Variants in AAR2 observed in about 807,000 individuals in gnomAD.
AAR2 encodes the protein protein AAR2 homolog.
In AAR2, 31 loss-of-function variants were observed where a neutral mutation model predicts 26.9. That is an observed-to-expected ratio of 1.15 (90% CI 0.86 to 1.55). AAR2 has a LOEUF of 1.55. AAR2 is among the 40% of genes most tolerant of loss of function. AAR2 has a pLI of 0.00. For synonymous variants in AAR2, 188 were observed against 196.1 expected, an observed-to-expected ratio of 0.96 and a Z score of 0.34; for missense variants, 430 against 491.3, an observed-to-expected ratio of 0.88 and a Z score of 1.18.
intron 2 of AAR2, among the ~76,000 whole-genome samples, chr20:36,242,614 C>T (rs905096671): frequency 1.3e-5 from 2 of 151,668 alleles, no homozygotes; most frequent in Non-Finnish European, 2.9e-5. Context: ...AGGATGGTCT[C>T]GATCTCCTGA....
intron 3 of AAR2, among the ~76,000 whole-genome samples, chr20:36,248,834 G>C (rs2064759279): frequency 1.3e-5 from 2 of 151,990 alleles, no homozygotes; most frequent in African/African-American, 4.8e-5. Context: ...GCACTTGAGG[G>C]ATGACTGAGA....
chr20:36,250,985 C>T (rs1450514604), intron 3 of AAR2, among the ~76,000 whole-genome samples: 1 of 151,910 alleles, frequency 6.6e-6, no homozygotes, highest in African/African-American at 2.4e-5. Context: ...TCACTTGAGC[C>T]CAGGTGTTCC....
chr20:36,255,486 A>G (rs1255374722), intron 3 of AAR2, 92 bp from the exon 4 acceptor site: 5 of 1,456,838 alleles, frequency 3.4e-6, no homozygotes, highest in Non-Finnish European at 4.7e-6. Context: ...TACCCGCCCC[A>G]GAAGAGCCGA....
In AAR2 at chr20:36,248,269, C is replaced by T. The variant is rs78226083; in HGVS notation, c.987+3343C>T. Among the ~76,000 whole-genome samples the T allele has an allele frequency of 3.2e-3, 492 of 152,170 alleles. 3 individuals are homozygous for T. The highest frequency in any genetic ancestry group is 0.011 in the African/African-American group (474 of 41,508). On this transcript the variant is annotated intron_variant, in intron 3 of 3. Coordinates refer to ENST00000320849, the MANE Select transcript of AAR2 (RefSeq NM_001271874.2). ...ACTAATATATTGTCTGCCTGACTCC[C>T]GCACTGAGTCATGGGCTCCTTTTAC...
chr20:36,248,049 T>TTGCCGGAACCTGATTTTCC (rs1226792492), intron 3 of AAR2, among the ~76,000 whole-genome samples: 2 of 152,226 alleles, frequency 1.3e-5, no homozygotes, highest in Admixed American at 1.3e-4. Flanking sequence ...TCATACCTTC[T>TTGCCGGAACCTGATTTTCC]TGCCGGAACC....
chr20:36,254,411 A>G (rs1235695522), intron 3 of AAR2, among the ~76,000 whole-genome samples: 3 of 152,144 alleles, frequency 2.0e-5, no homozygotes, highest in African/African-American at 7.2e-5. Flanking sequence ...TAGAGACAGA[A>G]AGTAGAATGT....
At chr20:36,244,648 G>A in intron 2 of AAR2, 49 bp from the exon 3 acceptor site, 2 of 1,552,912 alleles carry the variant, frequency 1.3e-6, no homozygotes, top group Non-Finnish European at 8.9e-7. Context: ...GAGAGTGTCA[G>A]CTGGTCCTCC....
intron 2 of AAR2, among the ~76,000 whole-genome samples, chr20:36,243,337 A>G (rs990442059): frequency 6.6e-6 from 1 of 152,258 alleles, no homozygotes; most frequent in Non-Finnish European, 1.5e-5. Context: ...AAATTTGACT[A>G]TATTTGAAAA....
intron 2 of AAR2, among the ~76,000 whole-genome samples, chr20:36,240,923 C>T (rs188092798): frequency 1.4e-3 from 220 of 152,260 alleles, no homozygotes; most frequent in African/African-American, 5.1e-3. Context: ...AAGATTTGGC[C>T]CACTGAGTGG....
chr20:36,255,441 C>A, intron 3 of AAR2, 137 bp from the exon 4 acceptor site: 1 of 946,502 alleles, frequency 1.1e-6, no homozygotes, highest in Non-Finnish European at 1.6e-6. Context: ...GGGAGCATAG[C>A]AGGTGTCCTG....
In AAR2 at chr20:36,255,958, C is replaced by A; in HGVS notation, c.*213C>A. ...CCTGAAGGCACATTTGTGGGTTCCC[C>A]ATCAGCCAGGCCTTGGTGCTAACCT... is the stretch of plus-strand genomic sequence containing the variant. On this transcript the variant is annotated 3_prime_UTR_variant, in exon 4 of 4. Coordinates refer to ENST00000320849, the MANE Select transcript of AAR2 (RefSeq NM_001271874.2). 1.6e-6 allele frequency: 1 copy of A among 642,018 alleles called. No individual in the cohort carries two copies. The highest frequency in any genetic ancestry group is 2.6e-6 in the Non-Finnish European group (1 of 390,656). 39.8% of individuals were successfully genotyped at this position (642,018 alleles called of 1,614,324 possible).
Position 36,240,246 on chromosome 20 carries a change from A to G in AAR2, c.378A>G (p.Pro126=), listed in dbSNP as rs763296550. ...TGGACCAGTTCCTGGGGCCTTACCC[A>G]TATGCCACCCTGAAGAAGTGGATCT... ...QELDQFLGPY[P]YATLKKWISL... is the part of the protein sequence containing the mutation. Residue 126 remains proline (P), a synonymous_variant, in exon 2 of 4, where the codon CCA becomes CCG. Transcript: ENST00000320849. 6 of 1,614,192 alleles carry G rather than the reference A, an allele frequency of 3.7e-6. No individual in the cohort carries two copies. Among genetic ancestry groups the G allele is most frequent in the Non-Finnish European group, 2.5e-6 (3 of 1,180,030 alleles).
At chr20:36,254,712 G>A (rs2064805609) in intron 3 of AAR2, among the ~76,000 whole-genome samples, 1 of 152,162 alleles carries the variant, frequency 6.6e-6, no homozygotes. Context: ...TTTTTAAATG[G>A]TTGAAATGGT....
intron 3 of AAR2, among the ~76,000 whole-genome samples, chr20:36,253,295 A>C (rs757520415): frequency 8.5e-5 from 13 of 152,116 alleles, no homozygotes; most frequent in Non-Finnish European, 1.9e-4. Context: ...CTGAAAGCCA[A>C]CTGTGGCATG....
chr20:36,249,497 C>G (rs1346127534), intron 3 of AAR2, among the ~76,000 whole-genome samples: 1 of 152,198 alleles, frequency 6.6e-6, no homozygotes, highest in Admixed American at 6.5e-5. Flanking sequence ...TATATGCTTT[C>G]CAACTTCCTT....
At chr20:36,245,492 C>A (rs1451582034) in intron 3 of AAR2, among the ~76,000 whole-genome samples, 2 of 152,220 alleles carry the variant, frequency 1.3e-5, no homozygotes, top group Non-Finnish European at 2.9e-5. Context: ...GCTATTTCCT[C>A]CCTTTGCAAA....
At position 36,240,634 on chromosome 20, in the gene AAR2, G is replaced by C; in HGVS notation, c.757+9G>C. The C allele has an allele frequency of 6.2e-7, 1 of 1,604,206 alleles. No individual in the cohort carries two copies. Among genetic ancestry groups the C allele is most frequent in the Non-Finnish European group, 8.5e-7 (1 of 1,173,712 alleles). On this transcript the variant is annotated intron_variant, in intron 2 of 3. Coordinates refer to ENST00000320849, the MANE Select transcript of AAR2 (RefSeq NM_001271874.2). ...CCCCCAGGATGTGCTTGGTGAGAAG[G>C]AACAAGGCTCTTTGGGAGTGGGCCA... is the stretch of plus-strand genomic sequence containing the variant.
intron 3 of AAR2, among the ~76,000 whole-genome samples, chr20:36,254,653 A>G (rs933297943): frequency 1.3e-5 from 2 of 152,244 alleles, no homozygotes; most frequent in Non-Finnish European, 2.9e-5. Context: ...TACACTTAAA[A>G]TGGCTAAAAT....
intron 3 of AAR2, among the ~76,000 whole-genome samples, chr20:36,246,199 A>G (rs1348012646): frequency 2.0e-5 from 3 of 152,184 alleles, no homozygotes; most frequent in Non-Finnish European, 4.4e-5. Flanking sequence ...GCCCTTGTGT[A>G]GTGAACACAG....
Sources: allele counts gnomAD v4.1 joint callset (sites outside exome capture counted in the v4.1 genomes callset), GRCh38; gene constraint gnomAD v4.1.1; transcripts MANE v1.5; gene names NCBI Gene and HGNC (gene_info 2026-07-23, HGNC 2026-07-21).